ASTN1: variants seen among roughly 807,000 people sequenced by gnomAD.
The protein encoded by ASTN1 is astrotactin 1.
A neutral mutation model predicts 140.7 loss-of-function variants in ASTN1; 41 were observed. The ratio of observed to expected loss-of-function variants is 0.29; its 90% CI spans 0.23 to 0.38. The LOEUF (loss-of-function observed/expected upper bound fraction) is 0.38, where lower values mean the gene tolerates loss of function less well. ASTN1 is among the 10% of genes least tolerant of loss of function. The pLI is 1.00. For missense variants in ASTN1, 1,479 were observed against 1,678.8 expected (o/e 0.88, Z 2.08); for synonymous variants, 640 against 652.2 (o/e 0.98, Z 0.29).
intron 7 of ASTN1, among the ~76,000 whole-genome samples, chr1:177,018,440 T>G (rs1448226296): frequency 6.6e-6 from 1 of 152,152 alleles, no homozygotes. Context: ...GGCAGCTGGT[T>G]TGAGTCTGGG....
At chr1:177,092,715 G>T (rs1042302685) in intron 1 of ASTN1, among the ~76,000 whole-genome samples, 1 of 152,162 alleles carries the variant, frequency 6.6e-6, no homozygotes, top group African/African-American at 2.4e-5. Flanking sequence ...TTGTTTCCAT[G>T]TGATAGGCAG....
intron 1 of ASTN1, among the ~76,000 whole-genome samples, chr1:177,148,276 G>T (rs1682808748): frequency 6.6e-6 from 1 of 152,002 alleles, no homozygotes; most frequent in African/African-American, 2.4e-5. Flanking sequence ...AAATTAGCCG[G>T]GCGTGGTGGC....
At chr1:177,014,098 A>T (rs1364390560) in intron 8 of ASTN1, among the ~76,000 whole-genome samples, 1 of 152,082 alleles carries the variant, frequency 6.6e-6, no homozygotes, top group Non-Finnish European at 1.5e-5. Flanking sequence ...TGCTTGCATA[A>T]TGTGAATTTA....
chr1:177,085,921 C>T (rs150735511), intron 1 of ASTN1, among the ~76,000 whole-genome samples: 34 of 152,252 alleles, frequency 2.2e-4, no homozygotes, highest in African/African-American at 7.7e-4. Flanking sequence ...AGAGTTTAGA[C>T]ACATGTCCAA....
At chr1:177,149,293 G>GTATATATATAGTAAATATATATATAC (rs1682889565) in intron 1 of ASTN1, among the ~76,000 whole-genome samples, 5 of 74,170 alleles carry the variant, frequency 6.7e-5, no homozygotes, top group Admixed American at 2.2e-4. Flanking sequence ...TATATATATA[G>GTATATATATAGTAAATATATATATAC]TATATATATA....
chr1:176,913,498 A>G (rs981493112), intron 16 of ASTN1, among the ~76,000 whole-genome samples: 3 of 151,974 alleles, frequency 2.0e-5, no homozygotes, highest in African/African-American at 7.3e-5. Flanking sequence ...ACATGTGATA[A>G]TAGTAATAAT....
At position 176,965,247 on chromosome 1, in the gene ASTN1, G is replaced by T; in HGVS notation, c.1524-10C>A. ...TGTGTAAGGCCATGGCCTAAAAGAA[G>T]AAACATCATTCAATTAAATTCAACT... On this transcript the variant is annotated splice_polypyrimidine_tract_variant and intron_variant, in intron 8 of 22. Coordinates refer to ENST00000361833, the MANE Select transcript of ASTN1 (RefSeq NM_004319.3). The T allele has an allele frequency of 6.2e-7, 1 of 1,613,234 alleles. No individual in the cohort carries two copies. The highest frequency in any genetic ancestry group is 8.5e-7 in the Non-Finnish European group (1 of 1,179,362).
intron 1 of ASTN1, among the ~76,000 whole-genome samples, chr1:177,091,588 T>C (rs553222917): frequency 6.6e-6 from 1 of 152,340 alleles, no homozygotes; most frequent in South Asian, 2.1e-4. Flanking sequence ...TCTTTTAAGA[T>C]GCACAATTCA....
chr1:176,957,604 C>G, intron 11 of ASTN1, 74 bp downstream of exon 11: 1 of 1,547,894 alleles, frequency 6.5e-7, no homozygotes, highest in Non-Finnish European at 8.8e-7. Context: ...CCCTATGTAT[C>G]TGTATTGTGT....
intron 9 of ASTN1, among the ~76,000 whole-genome samples, chr1:176,964,626 A>T (rs1182157704): frequency 3.3e-5 from 5 of 152,258 alleles, no homozygotes; most frequent in African/African-American, 1.2e-4. Context: ...GAAGCATCCA[A>T]TTTGATCAGC....
At chr1:176,860,547 T>G (rs968651544), downstream of ASTN1, among the ~76,000 whole-genome samples, 11 of 152,228 alleles carry the variant, frequency 7.2e-5, no homozygotes, top group African/African-American at 2.7e-4. Flanking sequence ...CATAAGTCAG[T>G]CTTCCTCAAA....
chr1:176,955,180 G>C (rs1397173035), intron 11 of ASTN1, among the ~76,000 whole-genome samples: 1 of 152,154 alleles, frequency 6.6e-6, no homozygotes, highest in African/African-American at 2.4e-5. Flanking sequence ...GAGGACTAAA[G>C]GTAAACTTTA....
chr1:177,120,199 A>G (rs1336492244), intron 1 of ASTN1, among the ~76,000 whole-genome samples: 5 of 152,066 alleles, frequency 3.3e-5, no homozygotes, highest in Admixed American at 3.3e-4. Context: ...ATTGTTTGAT[A>G]TTTAATCAAA....
intron 17 of ASTN1, 64 bp from the exon 18 acceptor site, chr1:176,888,268 G>A (rs1313573193): frequency 1.3e-6 from 2 of 1,580,214 alleles, no homozygotes; most frequent in Non-Finnish European, 1.7e-6. Flanking sequence ...TCAGAATCAA[G>A]AGGCAGAGTG....
intron 1 of ASTN1, among the ~76,000 whole-genome samples, chr1:177,087,784 G>A (rs575691617): frequency 1.5e-4 from 23 of 152,268 alleles, no homozygotes; most frequent in Admixed American, 7.8e-4. Context: ...TTGTGAGGCC[G>A]GCTCCTACTC....
chr1:176,901,627 C>G (rs187627821), intron 16 of ASTN1, among the ~76,000 whole-genome samples: 52 of 152,224 alleles, frequency 3.4e-4, no homozygotes, highest in Non-Finnish European at 1.8e-4. Flanking sequence ...CAATCTGAAC[C>G]CAAGGATGGT....
At chr1:176,929,440 T>C (rs1041307283) in intron 16 of ASTN1, among the ~76,000 whole-genome samples, 2 of 152,142 alleles carry the variant, frequency 1.3e-5, no homozygotes, top group Non-Finnish European at 2.9e-5. Context: ...CTCTAGAAGC[T>C]GGAAAGGACA....
At chr1:176,950,434 C>T (rs970442745) in intron 11 of ASTN1, among the ~76,000 whole-genome samples, 1 of 152,144 alleles carries the variant, frequency 6.6e-6, no homozygotes, top group Non-Finnish European at 1.5e-5. Context: ...CAGTAGTCAC[C>T]GTTTACTGAA....
chr1:177,123,436 A>G (rs1233014722), intron 1 of ASTN1, among the ~76,000 whole-genome samples: 1 of 152,254 alleles, frequency 6.6e-6, no homozygotes, highest in Non-Finnish European at 1.5e-5. Context: ...TCTCAAAAAT[A>G]TAATACCTTA....
Sources: allele counts gnomAD v4.1 joint callset (sites outside exome capture counted in the v4.1 genomes callset), GRCh38; gene constraint gnomAD v4.1.1; transcripts MANE v1.5; gene names NCBI Gene and HGNC (gene_info 2026-07-23, HGNC 2026-07-21).